The following IMPDH1 variants were observed in gnomAD, a reference collection of about 807,000 sequenced individuals.
IMPDH1 encodes the protein inosine monophosphate dehydrogenase 1, also known as inosine-5'-monophosphate dehydrogenase 1.
Under a neutral mutation model 73.5 loss-of-function variants are expected in IMPDH1, and 41 were observed. That is an observed-to-expected ratio of 0.56 (90% CI 0.43 to 0.72). The LOEUF is 0.72. Among genes scored for constraint, IMPDH1 ranks in the 30% least tolerant of loss-of-function variants. IMPDH1 has a pLI of 0.00. For missense variants in IMPDH1, 645 were observed against 824.8 expected (o/e 0.78, Z 2.67); for synonymous variants, 318 against 334.3 (o/e 0.95, Z 0.53).
In IMPDH1 at chr7:128,394,728, A is replaced by G. The variant is rs1257599412; in HGVS notation, c.1551-129T>C. On this transcript the variant is annotated intron_variant, in intron 14 of 16. Transcript: ENST00000338791. The surrounding 1 kb of genome is among the most constrained non-coding windows in gnomAD (Gnocchi z 5.5). The stretch of plus-strand genomic sequence containing the variant: ...GCCACCCCTCACTGGGCTGAGTCAG[A>G]TGGCCCAGGGACAGATCCTGGGTCT... 5 of 1,400,270 alleles carry G rather than the reference A, an allele frequency of 3.6e-6. No homozygotes were observed. Among genetic ancestry groups the G allele is most frequent in the Non-Finnish European group, 5.0e-6 (5 of 1,004,830 alleles). The allele number at this position is 1,400,270 out of a possible 1,614,324, so 86.7% of individuals were successfully genotyped here.
intron 3 of IMPDH1, among the ~76,000 whole-genome samples, chr7:128,407,596 A>C (rs1798862387): frequency 6.6e-6 from 1 of 152,212 alleles, no homozygotes; most frequent in Non-Finnish European, 1.5e-5. Flanking sequence ...TTCTGGCCAC[A>C]GAAGAACAGA....
rs913411388 is a variant in IMPDH1, at chr7:128,396,367, C to T, written c.1261+233G>A. 2.0e-5 allele frequency among the ~76,000 whole-genome samples: 3 copies of T among 152,220 alleles called. No individual in the cohort carries two copies. On this transcript the variant is annotated intron_variant, in intron 12 of 16. Transcript: ENST00000338791. This position sits in a 1 kb window ranked among gnomAD's most constrained non-coding sequence, Gnocchi z 4.0. Reference sequence around the variant, plus strand: ...TCACACCAGCCCCAGGCCCCAAGCCCCAGGCAGAGCCCCCTTGACCGCACT... The same window carrying T: ...TCACACCAGCCCCAGGCCCCAAGCCTCAGGCAGAGCCCCCTTGACCGCACT...
At chr7:128,400,024 T>C in intron 9 of IMPDH1, 71 bp downstream of exon 9, 1 of 1,200,668 alleles carries the variant, frequency 8.3e-7, no homozygotes, top group Non-Finnish European at 1.2e-6. Flanking sequence ...CCTGTAAGGC[T>C]GTGAAGGAAC....
intron 5 of IMPDH1, among the ~76,000 whole-genome samples, chr7:128,402,343 T>C: frequency 6.6e-6 from 1 of 152,212 alleles, no homozygotes; most frequent in East Asian, 1.9e-4. Flanking sequence ...CCTCAGGTGA[T>C]CCTCCTGCCT....
In IMPDH1 at chr7:128,400,883, T is replaced by C; in HGVS notation, c.513A>G (p.Gly171=). 1.2e-6 allele frequency: 2 copies of C among 1,613,736 alleles called. No individual in the cohort carries two copies. Among genetic ancestry groups the C allele is most frequent in the East Asian group, 2.2e-5 (1 of 44,890 alleles). ...AGTTGTGGTGAATGAAACCAATACC[T>C]CCCATCAGCTGATGTAGAAGGGAAG... ...ADMAIAMALM[G]GIGFIHHNCT... Residue 171 remains glycine (G), a synonymous_variant, in exon 7 of 17, where the codon GGA becomes GGG. Transcript: ENST00000338791.
chr7:128,408,583 G>T (rs1049602807), intron 3 of IMPDH1, among the ~76,000 whole-genome samples: 4 of 152,114 alleles, frequency 2.6e-5, no homozygotes, highest in Admixed American at 2.6e-4. Flanking sequence ...GGTCGGTTGG[G>T]GGTGGGGGTA....
intron 16 of IMPDH1, 35 bp from the exon 17 acceptor site, chr7:128,393,063 G>T (rs765623321): frequency 1.5e-5 from 24 of 1,612,982 alleles, no homozygotes; most frequent in Middle Eastern, 1.6e-4. Context: ...AACAAGAGTG[G>T]GTGTGTGGAC....
Position 128,396,459 on chromosome 7 carries a change from T to C in IMPDH1, c.1261+141A>G. On this transcript the variant is annotated intron_variant, in intron 12 of 16. Transcript: ENST00000338791. The surrounding 1 kb of genome is among the most constrained non-coding windows in gnomAD (Gnocchi z 4.0). ...CCTTCCCCTAAGTCAGTGGGCCCGATGGGGTGGGGCCCATGCCTGGGTCAC... is the reference window on the plus strand; with the variant it reads ...CCTTCCCCTAAGTCAGTGGGCCCGACGGGGTGGGGCCCATGCCTGGGTCAC... 1 of 732,838 alleles carries C rather than the reference T, an allele frequency of 1.4e-6. No individual in the cohort carries two copies. Among genetic ancestry groups the C allele is most frequent in the Non-Finnish European group, 2.4e-6 (1 of 408,980 alleles). The allele number at this position is 732,838 out of a possible 1,614,324, so 45.4% of individuals were successfully genotyped here.
chr7:128,395,201 G>T lies in IMPDH1; in HGVS notation c.1335C>A (p.Pro445=). 1 of 1,613,966 alleles carries T rather than the reference G, an allele frequency of 6.2e-7. No homozygotes were observed. The highest frequency in any genetic ancestry group is 8.5e-7 in the Non-Finnish European group (1 of 1,180,036). The change falls in exon 13 of 17, where the codon CCC becomes CCA. Residue 445 remains proline, a synonymous_variant. Coordinates refer to ENST00000338791, the MANE Select transcript of IMPDH1 (RefSeq NM_000883.4). Reference sequence around the variant, plus strand: ...TCTGGATGCCGCCATCGGCTATGATGGGCACACCAAAGCGCCGGGCATACT... The same window carrying T: ...TCTGGATGCCGCCATCGGCTATGATTGGCACACCAAAGCGCCGGGCATACT... ...VAEYARRFGV[P]IIADGGIQTV... is the part of the protein sequence containing the mutation.
chr7:128,402,104 T>G (rs966682503), intron 5 of IMPDH1, among the ~76,000 whole-genome samples: 19 of 151,894 alleles, frequency 1.3e-4, no homozygotes, highest in African/African-American at 4.1e-4. Flanking sequence ...AGGCAGGGTT[T>G]TTTTTTTTTT....
intron 5 of IMPDH1, among the ~76,000 whole-genome samples, chr7:128,403,225 CCTTTG>C (rs578115813): frequency 1.1e-3 from 161 of 152,284 alleles, no homozygotes; most frequent in African/African-American, 3.7e-3. Context: ...CAGGTATAAC[CCTTTG>C]ATCTCTGCCT....
At chr7:128,395,296 A>G in intron 12 of IMPDH1, 22 bp from the exon 13 acceptor site, 2 of 1,612,138 alleles carry the variant, frequency 1.2e-6, no homozygotes, top group Non-Finnish European at 1.7e-6. Context: ...TGGGGTGCAC[A>G]AGGCAGAGAA....
chr7:128,405,589 G>A (rs1798664651), intron 4 of IMPDH1, among the ~76,000 whole-genome samples, 178 bp downstream of exon 4: 1 of 152,128 alleles, frequency 6.6e-6, no homozygotes, highest in South Asian at 2.1e-4. Context: ...CGGTGTCGCC[G>A]TGCCACGTCC....
chr7:128,398,317 G>T lies in IMPDH1; in HGVS notation c.1074+97C>A. ...GAGAGAGGAAGAGTAGCAAGGGAGG[G>T]GCACAGGCTTAATCAGAGGTGAACC... On this transcript the variant is annotated intron_variant, in intron 10 of 16. Transcript: ENST00000338791. This position sits in a 1 kb window ranked among gnomAD's most constrained non-coding sequence, Gnocchi z 4.3. 1 of 930,960 alleles carries T rather than the reference G, an allele frequency of 1.1e-6. No homozygotes were observed. The highest frequency in any genetic ancestry group is 1.7e-6 in the Non-Finnish European group (1 of 581,592). 57.7% of individuals were successfully genotyped at this position (930,960 alleles called of 1,614,324 possible).
In IMPDH1 at chr7:128,405,751, GA is replaced by G. The variant is rs774083242; in HGVS notation, c.353+15del. ...CGTGGATGCGCGCACCTAGGGGTAC[GA>G]GACCCGGCGCTTACTTGTAGGTGAG... On this transcript the variant is annotated intron_variant, in intron 4 of 16. Coordinates refer to ENST00000338791, the MANE Select transcript of IMPDH1 (RefSeq NM_000883.4). The G allele has an allele frequency of 2.0e-6, 3 of 1,533,082 alleles. No individual in the cohort carries two copies. The South Asian group carries it at 3.6e-5, about 19-fold the overall frequency. 95.0% of individuals were successfully genotyped at this position (1,533,082 alleles called of 1,614,324 possible).
chr7:128,398,724 C>T lies in IMPDH1; in HGVS notation c.875-111G>A, dbSNP rs1798105636. 2.4e-6 allele frequency: 2 copies of T among 836,140 alleles called. No homozygotes were observed. The highest frequency in any genetic ancestry group is 3.3e-5 in the African/African-American group (2 of 60,376). The allele number at this position is 836,140 out of a possible 1,614,324, so 51.8% of individuals were successfully genotyped here. A position where few individuals can be genotyped will look rare whatever the true frequency, so the allele number is the denominator to read the frequency against. Reference sequence around the variant, plus strand: ...CCACTCCAGAGATTCCACTGAAGTACCCCAGTCAGCCACTAGGTGACAGCA... The same window carrying T: ...CCACTCCAGAGATTCCACTGAAGTATCCCAGTCAGCCACTAGGTGACAGCA... On this transcript the variant is annotated intron_variant, in intron 9 of 16. Transcript: ENST00000338791. This position sits in a 1 kb window ranked among gnomAD's most constrained non-coding sequence, Gnocchi z 4.3.
Position 128,395,228 on chromosome 7 carries a change from A to AAAGC in IMPDH1, c.1307_1308insGCTT (p.Glu437LeufsTer2). 1.2e-6 allele frequency: 2 copies of AAAGC among 1,613,836 alleles called. No homozygotes were observed. Among genetic ancestry groups the AAAGC allele is most frequent in the Non-Finnish European group, 1.7e-6 (2 of 1,180,036 alleles). ...GCACACCAAAGCGCCGGGCATACTC[A>AAAGC]GCCACCTTGTACACAGCAGTGCCCT... On this transcript the variant is annotated frameshift_variant, in exon 13 of 17. Transcript: ENST00000338791. LOFTEE classifies it high-confidence loss of function.
In IMPDH1 at chr7:128,409,757, T is replaced by C. The variant is rs1260311045; in HGVS notation, c.145A>G (p.Ser49Gly). 1 of 1,522,816 alleles carries C rather than the reference T, an allele frequency of 6.6e-7. No individual in the cohort carries two copies. The highest frequency in any genetic ancestry group is 8.8e-7 in the Non-Finnish European group (1 of 1,141,412). The allele number at this position is 1,522,816 out of a possible 1,614,324, so 94.3% of individuals were successfully genotyped here. ...CGCGCGCTCTGCCCTGGGCGTCACC[T>C]CTCGGGCTCGTAGCCGGCCTGCAGC... ...RLLQAGYEPE[S>G]PRLDLATHPT... is the part of the protein sequence containing the mutation. Residue 49 changes from serine (S) to glycine (G), a missense_variant and splice_region_variant, in exon 1 of 17, where the codon AGC becomes GGC. Ser to Gly is a moderately conservative substitution (Grantham distance 56). This residue lies in a region of IMPDH1 where 186 missense variants were observed against 186.6 expected (regional missense o/e 1.00). Coordinates refer to ENST00000338791, the MANE Select transcript of IMPDH1 (RefSeq NM_000883.4).
At chr7:128,403,835 C>T in intron 4 of IMPDH1, 81 bp from the exon 5 acceptor site, 1 of 1,224,014 alleles carries the variant, frequency 8.2e-7, no homozygotes, top group Non-Finnish European at 1.2e-6. Context: ...GAGGAGGCAG[C>T]AGGGGGGTAC....
Sources: allele counts gnomAD v4.1 joint callset (sites outside exome capture counted in the v4.1 genomes callset), GRCh38; gene constraint gnomAD v4.1.1; regional missense constraint gnomAD v4.1.1; non-coding constraint Gnocchi (gnomAD v3.1); transcripts MANE v1.5; gene names NCBI Gene and HGNC (gene_info 2026-07-23, HGNC 2026-07-21).